The following ZSCAN2 variants were observed in gnomAD, a reference collection of about 807,000 sequenced individuals.
ZSCAN2 encodes zinc finger and SCAN domain-containing protein 2.
ZSCAN2 carries 26 observed loss-of-function variants against 47.8 expected under a neutral mutation model. That is an observed-to-expected ratio of 0.54 (90% CI 0.40 to 0.75). The LOEUF (loss-of-function observed/expected upper bound fraction) is 0.75. ZSCAN2 is among the 30% of genes least tolerant of loss of function. ZSCAN2 has a pLI of 0.00. For missense variants in ZSCAN2, 732 were observed against 785.4 expected (o/e 0.93, Z 0.81); for synonymous variants, 305 against 288.7 (o/e 1.06, Z -0.57).
At position 84,604,292 on chromosome 15, in the gene ZSCAN2, C is replaced by A. The variant is rs142869560; in HGVS notation, c.365C>A (p.Ala122Glu). The A allele has an allele frequency of 3.1e-6, 5 of 1,613,410 alleles. No homozygotes were observed. The highest frequency in any genetic ancestry group is 4.2e-6 in the Non-Finnish European group (5 of 1,179,596). The change falls in exon 2 of 3, where the codon GCG becomes GAG. Residue 122 changes from alanine (A) to glutamate (E), a missense_variant. Physicochemically the swap from Ala to Glu is moderately radical, Grantham distance 107 (BLOSUM62 -1). Transcript: ENST00000546148. ...EHRPESSEEA[A>E]ALVEDLTQTL... ...CGGCCTGAAAGCAGTGAGGAGGCAG[C>A]GGCCCTGGTGGAAGACTTGACCCAG... is the stretch of plus-strand genomic sequence containing the variant.
At chr15:84,616,299 T>C in intron 2 of ZSCAN2, 1 of 1,302,800 alleles carries the variant, frequency 7.7e-7, no homozygotes, top group Non-Finnish European at 1.1e-6. Context: ...TTTCCTTCTC[T>C]GCTTTCCAGA....
Position 84,623,444 on chromosome 15 carries a change from G to C in ZSCAN2, c.*1404G>C, listed in dbSNP as rs1279979179. The stretch of plus-strand genomic sequence containing the variant: ...ACTTTGAGGACATATCTGTTCCCTG[G>C]AGATATTTGGGCTTGAATCAGGAGT... On this transcript the variant is annotated 3_prime_UTR_variant, in exon 3 of 3. Coordinates refer to ENST00000546148, the MANE Select transcript of ZSCAN2 (RefSeq NM_181877.4). 5.8e-6 allele frequency: 1 copy of C among 172,094 alleles called. No individual in the cohort carries two copies. Among genetic ancestry groups the C allele is most frequent in the African/African-American group, 2.4e-5 (1 of 41,486 alleles). The allele number at this position is 172,094 out of a possible 1,614,324, so 10.7% of individuals were successfully genotyped here.
chr15:84,603,292 C>T (rs777450404), intron 1 of ZSCAN2, among the ~76,000 whole-genome samples: 7 of 151,812 alleles, frequency 4.6e-5, no homozygotes, highest in Admixed American at 2.0e-4. Context: ...GGGTTTTTCC[C>T]GGGGACTTTG....
intron 2 of ZSCAN2, among the ~76,000 whole-genome samples, chr15:84,604,738 CTTT>C (rs11459006): frequency 3.1e-5 from 4 of 129,004 alleles, no homozygotes; most frequent in East Asian, 4.3e-4. Context: ...TTTCTTTTTT[CTTT>C]TTTTTTTTTT....
intron 2 of ZSCAN2, among the ~76,000 whole-genome samples, chr15:84,619,157 C>T (rs894009389): frequency 9.9e-5 from 15 of 152,136 alleles, no homozygotes; most frequent in South Asian, 4.1e-4. Flanking sequence ...CATGGCTGGG[C>T]GCGGTGGCTC....
intron 2 of ZSCAN2, among the ~76,000 whole-genome samples, chr15:84,613,351 C>CG (rs1240001165): frequency 6.6e-6 from 1 of 152,152 alleles, no homozygotes; most frequent in Non-Finnish European, 1.5e-5. Flanking sequence ...GACGGAGTCT[C>CG]GCTCTGTTGC....
chr15:84,607,594 C>T (rs1269150722), intron 2 of ZSCAN2, among the ~76,000 whole-genome samples: 2 of 152,062 alleles, frequency 1.3e-5, no homozygotes, highest in Middle Eastern at 3.2e-3. Context: ...CTGCAACCTC[C>T]ACCTCCTGGG....
intron 2 of ZSCAN2, among the ~76,000 whole-genome samples, chr15:84,620,047 C>A (rs1229904839): frequency 6.6e-6 from 1 of 151,792 alleles, no homozygotes; most frequent in African/African-American, 2.4e-5. Flanking sequence ...CATCCCACCA[C>A]CTAGGTATTA....
chr15:84,621,590 G>A lies in ZSCAN2; in HGVS notation c.1395G>A (p.Gln465=), dbSNP rs749893455. Residue 465 remains glutamine, a synonymous_variant, in exon 3 of 3, where the codon CAG becomes CAA. Transcript: ENST00000546148. The surrounding 1 kb of genome is among the most constrained non-coding windows in gnomAD (Gnocchi z 5.7). The part of the protein sequence containing the change: ...FSQSSSLIAH[Q]GMHTGEKPYE... ...AGAGCTCCAGTCTGATTGCACACCAGGGCATGCACACAGGGGAGAAACCCT... is the reference window on the plus strand; with the variant it reads ...AGAGCTCCAGTCTGATTGCACACCAAGGCATGCACACAGGGGAGAAACCCT... 9 of 1,613,938 alleles carry A rather than the reference G, an allele frequency of 5.6e-6. No individual in the cohort carries two copies. The African/African-American group carries it at 9.4e-5, about 17-fold the overall frequency.
intron 2 of ZSCAN2, among the ~76,000 whole-genome samples, chr15:84,610,396 C>T (rs1441996265): frequency 6.6e-6 from 1 of 151,922 alleles, no homozygotes; most frequent in Non-Finnish European, 1.5e-5. Flanking sequence ...TCTAGGCACT[C>T]ACAATTCAAG....
chr15:84,616,264 A>G (rs373380226), intron 2 of ZSCAN2: 1 of 942,558 alleles, frequency 1.1e-6, no homozygotes, highest in Non-Finnish European at 1.8e-6. Flanking sequence ...AATACCTTGG[A>G]TTAATGTGCG....
chr15:84,601,535 A>T (rs572978329), intron 1 of ZSCAN2, among the ~76,000 whole-genome samples: 1 of 152,194 alleles, frequency 6.6e-6, no homozygotes, highest in South Asian at 2.1e-4. Context: ...GTTCTCTTAC[A>T]CCATATGCCA....
intron 2 of ZSCAN2, chr15:84,616,653 T>C: frequency 1.8e-6 from 2 of 1,138,306 alleles, no homozygotes; most frequent in Non-Finnish European, 2.2e-6. Flanking sequence ...TAACCAGTTC[T>C]GATTTTAAAA....
At chr15:84,607,113 T>C (rs1008733638) in intron 2 of ZSCAN2, among the ~76,000 whole-genome samples, 1 of 152,176 alleles carries the variant, frequency 6.6e-6, no homozygotes, top group Non-Finnish European at 1.5e-5. Context: ...AGATCGGACC[T>C]ATATTAATAG....
At chr15:84,606,357 C>T (rs1001974237) in intron 2 of ZSCAN2, 6 of 614,590 alleles carry the variant, frequency 9.8e-6, no homozygotes. Context: ...GTGCAGGAAA[C>T]TCACATGGCT....
Position 84,622,300 on chromosome 15 carries a change from G to A in ZSCAN2, c.*260G>A. 1 of 572,656 alleles carries A rather than the reference G, an allele frequency of 1.7e-6. No individual in the cohort carries two copies. The highest frequency in any genetic ancestry group is 3.2e-6 in the Non-Finnish European group (1 of 317,212). 35.5% of individuals were successfully genotyped at this position (572,656 alleles called of 1,614,324 possible). On this transcript the variant is annotated 3_prime_UTR_variant, in exon 3 of 3. Transcript: ENST00000546148. The stretch of plus-strand genomic sequence containing the variant: ...TCCCTTACATTGGGTGACTTGATTG[G>A]CCCCCTCTCATGATTCCTCTGTGCC...
chr15:84,622,904 C>G lies in ZSCAN2; in HGVS notation c.*864C>G. 1 of 573,208 alleles carries G rather than the reference C, an allele frequency of 1.7e-6. No homozygotes were observed. Among genetic ancestry groups the G allele is most frequent in the Non-Finnish European group, 3.2e-6 (1 of 315,472 alleles). The allele number at this position is 573,208 out of a possible 1,614,324, so 35.5% of individuals were successfully genotyped here. On this transcript the variant is annotated 3_prime_UTR_variant, in exon 3 of 3. Coordinates refer to ENST00000546148, the MANE Select transcript of ZSCAN2 (RefSeq NM_181877.4). Reference sequence around the variant, plus strand: ...GCCAACCCATGGTGGATGGTAACTTCTGTCTCATCAAGAGTAAAACAGTCC... The same window carrying G: ...GCCAACCCATGGTGGATGGTAACTTGTGTCTCATCAAGAGTAAAACAGTCC...
intron 2 of ZSCAN2, among the ~76,000 whole-genome samples, chr15:84,608,634 C>A (rs561956273): frequency 6.6e-6 from 1 of 152,178 alleles, no homozygotes; most frequent in South Asian, 2.1e-4. Flanking sequence ...CTCTGTAGAC[C>A]TCTGGTTCTC....
At position 84,622,431 on chromosome 15, in the gene ZSCAN2, T is replaced by G; in HGVS notation, c.*391T>G. 1 of 598,238 alleles carries G rather than the reference T, an allele frequency of 1.7e-6. No individual in the cohort carries two copies. 37.1% of individuals were successfully genotyped at this position (598,238 alleles called of 1,614,324 possible). ...GTCCTCAGAGAAATACTGGAAATCA[T>G]TGGTGTGGTTCTGGTTGTTTTGTTG... is the stretch of plus-strand genomic sequence containing the variant. On this transcript the variant is annotated 3_prime_UTR_variant, in exon 3 of 3. Coordinates refer to ENST00000546148, the MANE Select transcript of ZSCAN2 (RefSeq NM_181877.4).
Sources: allele counts gnomAD v4.1 joint callset (sites outside exome capture counted in the v4.1 genomes callset), GRCh38; gene constraint gnomAD v4.1.1; non-coding constraint Gnocchi (gnomAD v3.1); transcripts MANE v1.5; gene names NCBI Gene and HGNC (gene_info 2026-07-23, HGNC 2026-07-21).